The following MRPL1 variants were observed in gnomAD, a reference collection of about 807,000 sequenced individuals.
The protein encoded by MRPL1 is mitochondrial ribosomal protein L1, also known as large ribosomal subunit protein uL1m.
A neutral mutation model predicts 38.0 loss-of-function variants in MRPL1; 28 were observed. The ratio of observed to expected loss-of-function variants is 0.74; its 90% confidence interval spans 0.55 to 1.01. The LOEUF is 1.01. Ranked by LOEUF, MRPL1 falls within the 50% of genes least tolerant of loss-of-function variation. The pLI, the probability that MRPL1 is intolerant of heterozygous loss-of-function variation, is 0.00. For missense variants in MRPL1, 358 were observed against 389.8 expected (o/e 0.92, Z 0.69); for synonymous variants, 123 against 126.7 (o/e 0.97, Z 0.20).
chr4:77,903,799 A>G (rs2110245409), intron 6 of MRPL1, among the ~76,000 whole-genome samples: 1 of 152,300 alleles, frequency 6.6e-6, no homozygotes, highest in East Asian at 1.9e-4. Context: ...ATACCATAGT[A>G]GTGGATTTGA....
intron 7 of MRPL1, among the ~76,000 whole-genome samples, chr4:77,923,343 G>A (rs1033024887): frequency 3.3e-5 from 5 of 151,966 alleles, no homozygotes; most frequent in South Asian, 2.1e-4. Context: ...TGATCTGCCC[G>A]CCTCAGCCTC....
At chr4:77,864,486 T>C (rs1306962356) in intron 1 of MRPL1, 2 of 152,210 alleles carry the variant, frequency 1.3e-5, no homozygotes, top group Non-Finnish European at 2.9e-5. Context: ...AATTGTTTAC[T>C]TATCAGGAGA....
intron 1 of MRPL1, among the ~76,000 whole-genome samples, chr4:77,867,431 CTG>C (rs1735169860): frequency 1.3e-5 from 2 of 152,386 alleles, no homozygotes; most frequent in Admixed American, 6.5e-5. Context: ...TTGACAAACA[CTG>C]TGCTAGGTGC....
chr4:77,883,067 T>C (rs554987767), intron 2 of MRPL1, among the ~76,000 whole-genome samples, 175 bp from the exon 3 acceptor site: 1 of 152,206 alleles, frequency 6.6e-6, no homozygotes, highest in Non-Finnish European at 1.5e-5. Context: ...ACTTCAGACA[T>C]TGGAAAAGTT....
chr4:77,929,884 A>G (rs917124258), intron 7 of MRPL1, among the ~76,000 whole-genome samples: 1 of 152,212 alleles, frequency 6.6e-6, no homozygotes, highest in African/African-American at 2.4e-5. Context: ...AAATATAAAT[A>G]CATAATGTAT....
chr4:77,952,077 G>C (rs567164893), intron 8 of MRPL1, among the ~76,000 whole-genome samples: 1 of 152,160 alleles, frequency 6.6e-6, no homozygotes, highest in African/African-American at 2.4e-5. Context: ...TGAACTGCAC[G>C]GTGGCAGAAG....
intron 1 of MRPL1, among the ~76,000 whole-genome samples, chr4:77,868,606 C>A (rs1329190370): frequency 6.6e-6 from 1 of 152,150 alleles, no homozygotes; most frequent in Non-Finnish European, 1.5e-5. Context: ...AGATGTTATA[C>A]AAATGTATAT....
intron 7 of MRPL1, among the ~76,000 whole-genome samples, chr4:77,933,265 G>T (rs1018690740): frequency 1.3e-5 from 2 of 152,172 alleles, no homozygotes; most frequent in Non-Finnish European, 1.5e-5. Flanking sequence ...TTTATGTTTA[G>T]AGGAGCTGTA....
chr4:77,865,444 C>T (rs1735105522), intron 1 of MRPL1, among the ~76,000 whole-genome samples: 1 of 149,442 alleles, frequency 6.7e-6, no homozygotes, highest in Admixed American at 6.7e-5. Flanking sequence ...TTTTTTGAGA[C>T]AGGATCTCAC....
intron 6 of MRPL1, among the ~76,000 whole-genome samples, chr4:77,902,566 A>G (rs1239889876): frequency 3.9e-5 from 6 of 152,140 alleles, no homozygotes; most frequent in African/African-American, 1.4e-4. Context: ...AACAATAGCA[A>G]TGAAAGCAAA....
At chr4:77,943,415 A>G (rs552608714) in intron 7 of MRPL1, among the ~76,000 whole-genome samples, 3 of 152,070 alleles carry the variant, frequency 2.0e-5, no homozygotes, top group African/African-American at 7.2e-5. Context: ...ATGTATTTAG[A>G]TCTCTAGCCA....
intron 5 of MRPL1, 66 bp from the exon 6 acceptor site, chr4:77,894,073 G>A (rs2110240590): frequency 1.1e-6 from 1 of 879,836 alleles, no homozygotes; most frequent in Non-Finnish European, 1.8e-6. Context: ...TGACTACATT[G>A]TACTTTTTCA....
At chr4:77,913,130 A>G (rs1055711737) in intron 7 of MRPL1, among the ~76,000 whole-genome samples, 1 of 152,142 alleles carries the variant, frequency 6.6e-6, no homozygotes, top group African/African-American at 2.4e-5. Flanking sequence ...TTTCTTAGAT[A>G]AGACATGAAA....
At chr4:77,933,801 C>T (rs944735769) in intron 7 of MRPL1, among the ~76,000 whole-genome samples, 1 of 152,194 alleles carries the variant, frequency 6.6e-6, no homozygotes. Flanking sequence ...CTGTGGAAAA[C>T]AGTTGTATCT....
intron 6 of MRPL1, among the ~76,000 whole-genome samples, chr4:77,894,919 A>G (rs917398969): frequency 2.6e-5 from 4 of 152,148 alleles, no homozygotes; most frequent in African/African-American, 9.6e-5. Context: ...AGTAGAAGGA[A>G]TGTATTAATC....
chr4:77,867,667 T>C (rs574508900), intron 1 of MRPL1, among the ~76,000 whole-genome samples: 6 of 151,994 alleles, frequency 3.9e-5, no homozygotes, highest in African/African-American at 1.2e-4. Flanking sequence ...ATTATAGGCA[T>C]GAGCGATCAA....
chr4:77,943,349 C>T (rs891748992), intron 7 of MRPL1, among the ~76,000 whole-genome samples: 2 of 152,046 alleles, frequency 1.3e-5, no homozygotes, highest in East Asian at 1.9e-4. Flanking sequence ...CTGATGACTA[C>T]GTGTCTAGGC....
rs1171902825 is a variant in MRPL1, at chr4:77,891,340, GT to G, written c.559-2791del. Among the ~76,000 whole-genome samples the G allele has an allele frequency of 1.7e-3, 248 of 144,008 alleles. 1 individual carries two copies. Among genetic ancestry groups the G allele is most frequent in the African/African-American group, 6.0e-3 (230 of 38,494 alleles). 94.5% of individuals were successfully genotyped at this position (144,008 alleles called of 152,430 possible). ...CTGTCATAGCCACTCCTTTGGTTCAGTTTTTTTTGTTTTTTTTTTTTTTCAT... is the reference window on the plus strand; with the variant it reads ...CTGTCATAGCCACTCCTTTGGTTCAGTTTTTTTGTTTTTTTTTTTTTTCAT... On this transcript the variant is annotated intron_variant, in intron 5 of 8. Coordinates refer to ENST00000315567, the MANE Select transcript of MRPL1 (RefSeq NM_020236.4).
At chr4:77,936,308 T>C (rs1015755486) in intron 7 of MRPL1, among the ~76,000 whole-genome samples, 3 of 152,108 alleles carry the variant, frequency 2.0e-5, no homozygotes, top group East Asian at 1.9e-4. Flanking sequence ...TATGTAGATA[T>C]ATAATTATTT....
Sources: allele counts gnomAD v4.1 joint callset (sites outside exome capture counted in the v4.1 genomes callset), GRCh38; gene constraint gnomAD v4.1.1; transcripts MANE v1.5; gene names NCBI Gene and HGNC (gene_info 2026-07-23, HGNC 2026-07-21).